KSR2: variants seen among roughly 807,000 people sequenced by gnomAD.
KSR2 encodes kinase suppressor of ras 2.
In KSR2, 25 loss-of-function variants were observed where a neutral mutation model predicts 107.8. The ratio of observed to expected loss-of-function variants is 0.23; its 90% CI spans 0.17 to 0.32. KSR2 has a LOEUF of 0.32. Among genes scored for constraint, KSR2 ranks in the 10% least tolerant of loss-of-function variants. KSR2 has a pLI of 1.00. For synonymous variants in KSR2, 480 were observed against 507.0 expected (o/e 0.95, Z 0.71); for missense variants, 887 against 1,268.9 (o/e 0.70, Z 4.57).
intron 5 of KSR2, among the ~76,000 whole-genome samples, chr12:117,639,712 T>A (rs1883275097): frequency 6.6e-6 from 1 of 151,368 alleles, no homozygotes. Context: ...CTCAAAACAA[T>A]ACTTGAGGTG....
At chr12:117,686,372 T>C (rs1885575813) in intron 4 of KSR2, among the ~76,000 whole-genome samples, 1 of 151,976 alleles carries the variant, frequency 6.6e-6, no homozygotes. Context: ...GGCCTCATTT[T>C]ATTCTTTATG....
chr12:117,905,822 G>T (rs1894823616), intron 1 of KSR2, among the ~76,000 whole-genome samples: 2 of 149,440 alleles, frequency 1.3e-5, no homozygotes, highest in African/African-American at 5.0e-5. Context: ...TTTCTGAAAA[G>T]ACTTGAACTA....
intron 4 of KSR2, among the ~76,000 whole-genome samples, chr12:117,668,581 C>T (rs1884767567): frequency 6.6e-6 from 1 of 152,146 alleles, no homozygotes; most frequent in Non-Finnish European, 1.5e-5. Flanking sequence ...GCCAGACTCC[C>T]CAGATTCAAA....
intron 5 of KSR2, among the ~76,000 whole-genome samples, chr12:117,628,511 C>CTT (rs34738709): frequency 6.6e-6 from 1 of 152,182 alleles, no homozygotes; most frequent in Admixed American, 6.5e-5. Flanking sequence ...CCCTGTTTGC[C>CTT]TGGGTATCAC....
intron 5 of KSR2, among the ~76,000 whole-genome samples, chr12:117,648,325 C>T (rs1008409087): frequency 4.6e-5 from 7 of 152,062 alleles, no homozygotes; most frequent in African/African-American, 1.7e-4. Flanking sequence ...AGGTGATCTC[C>T]TGTTTGCCAC....
At chr12:117,519,278 A>G (rs1397150170) in intron 14 of KSR2, among the ~76,000 whole-genome samples, 4 of 152,146 alleles carry the variant, frequency 2.6e-5, no homozygotes, top group African/African-American at 7.2e-5. Flanking sequence ...GTGTGCCCGA[A>G]GCTCTTGGCA....
intron 5 of KSR2, among the ~76,000 whole-genome samples, chr12:117,590,515 G>A (rs1405099214): frequency 1.3e-5 from 2 of 152,110 alleles, no homozygotes; most frequent in Non-Finnish European, 2.9e-5. Context: ...TGATATAATT[G>A]GAACAGTGCT....
chr12:117,761,030 C>T lies in KSR2; in HGVS notation c.967G>A (p.Asp323Asn). 1.9e-6 allele frequency: 3 copies of T among 1,613,724 alleles called. No homozygotes were observed. Among genetic ancestry groups the T allele is most frequent in the Non-Finnish European group, 2.5e-6 (3 of 1,179,732 alleles). The part of the protein sequence containing the change: ...SHEFQLGHRV[D>N]EAHTPKAKKK... ...ACTCACTTGGGCGTGTGGGCCTCGTCCACGCGGTGCCCCAGCTGGAACTCG... is the reference window on the plus strand; with the variant it reads ...ACTCACTTGGGCGTGTGGGCCTCGTTCACGCGGTGCCCCAGCTGGAACTCG... The change falls in exon 4 of 20, where the codon GAC becomes AAC. Residue 323 changes from aspartate to asparagine, a missense_variant. Physicochemically the swap from Asp to Asn is conservative, Grantham distance 23 (BLOSUM62 1). Coordinates refer to ENST00000339824, the MANE Select transcript of KSR2 (RefSeq NM_173598.6).
intron 4 of KSR2, among the ~76,000 whole-genome samples, chr12:117,696,198 C>G (rs1203925556): frequency 6.6e-6 from 1 of 152,166 alleles, no homozygotes; most frequent in East Asian, 1.9e-4. Context: ...CCACCTGCCA[C>G]CTGCCACTCC....
In KSR2 at chr12:117,633,743, G is replaced by A. The variant is rs1271955605; in HGVS notation, c.1171+33731C>T. ...CATCGTGACCTCACCCTAACTCATC[G>A]CATCTGCAAAGACCCTATTTCTGTT... On this transcript the variant is annotated intron_variant, in intron 5 of 19. Transcript: ENST00000339824. 3.3e-5 allele frequency among the ~76,000 whole-genome samples: 5 copies of A among 152,100 alleles called. No homozygotes were observed. The South Asian group carries it at 6.2e-4, about 19-fold the overall frequency.
chr12:117,907,341 C>T lies in KSR2; in HGVS notation c.181-46910G>A, dbSNP rs373594302. On this transcript the variant is annotated intron_variant, in intron 1 of 19. Transcript: ENST00000339824. This position sits in a 1 kb window ranked among gnomAD's most constrained non-coding sequence, Gnocchi z 4.3. ...TGAAACAGGTGCACTCTCTTTGAGC[C>T]AGGATTTATAAAGCTCAAGGAAATG... is the stretch of plus-strand genomic sequence containing the variant. 5.9e-5 allele frequency among the ~76,000 whole-genome samples: 9 copies of T among 152,222 alleles called. No individual in the cohort carries two copies. Among genetic ancestry groups the T allele is most frequent in the East Asian group, 5.8e-4 (3 of 5,170 alleles).
chr12:117,478,476 C>T (rs1871941540), intron 16 of KSR2, among the ~76,000 whole-genome samples: 1 of 151,896 alleles, frequency 6.6e-6, no homozygotes, highest in African/African-American at 2.4e-5. Flanking sequence ...TGTCTATCAC[C>T]CAGGCTGAAG....
chr12:117,465,914 A>G lies in KSR2; in HGVS notation c.*1285T>C, dbSNP rs1229447342. On this transcript the variant is annotated 3_prime_UTR_variant, in exon 20 of 20. Transcript: ENST00000339824. ...AGCCTGCTCTCGGCATCCTTCCTACAGATACAGAACACCAGGGGCTTCCCC... is the reference window on the plus strand; with the variant it reads ...AGCCTGCTCTCGGCATCCTTCCTACGGATACAGAACACCAGGGGCTTCCCC... 6.6e-6 allele frequency: 1 copy of G among 152,180 alleles called. No homozygotes were observed. The highest frequency in any genetic ancestry group is 1.5e-5 in the Non-Finnish European group (1 of 68,070). The allele number at this position is 152,180 out of a possible 1,614,324, so 9.4% of individuals were successfully genotyped here. A position where few individuals can be genotyped will look rare whatever the true frequency, so the allele number is the denominator to read the frequency against.
At chr12:117,494,983 A>T (rs1318990647) in intron 14 of KSR2, among the ~76,000 whole-genome samples, 1 of 152,216 alleles carries the variant, frequency 6.6e-6, no homozygotes, top group Non-Finnish European at 1.5e-5. Flanking sequence ...GAATCCAAAG[A>T]GTGTCTCCCA....
At chr12:117,937,134 C>T (rs1035111360) in intron 1 of KSR2, among the ~76,000 whole-genome samples, 2 of 152,146 alleles carry the variant, frequency 1.3e-5, no homozygotes, top group South Asian at 2.1e-4. Context: ...TAAATAGTAG[C>T]GGGGGAAAGT....
chr12:117,549,979 C>T (rs1877177787), intron 9 of KSR2, among the ~76,000 whole-genome samples: 1 of 152,152 alleles, frequency 6.6e-6, no homozygotes, highest in Non-Finnish European at 1.5e-5. Context: ...AGGTTAAACC[C>T]ACATCTGTGT....
At chr12:117,737,497 T>C (rs1887989933) in intron 4 of KSR2, among the ~76,000 whole-genome samples, 1 of 152,112 alleles carries the variant, frequency 6.6e-6, no homozygotes, top group Non-Finnish European at 1.5e-5. Context: ...AATTGACTTT[T>C]TGAGGCCAGG....
At chr12:117,865,914 G>C (rs995111254) in intron 1 of KSR2, among the ~76,000 whole-genome samples, 4 of 152,002 alleles carry the variant, frequency 2.6e-5, no homozygotes, top group Non-Finnish European at 5.9e-5. Flanking sequence ...ATAGCATAGC[G>C]AGCACTTTCT....
intron 7 of KSR2, among the ~76,000 whole-genome samples, chr12:117,572,953 C>T (rs1565906558): frequency 6.6e-6 from 1 of 152,210 alleles, no homozygotes; most frequent in Non-Finnish European, 1.5e-5. Flanking sequence ...CAAAAGCAAA[C>T]TTCTGCCAGC....
Sources: gnomAD v4.1 joint callset for allele counts (sites outside exome capture counted in the v4.1 genomes callset) on GRCh38, gnomAD v4.1.1 for gene constraint, Gnocchi (gnomAD v3.1) non-coding constraint, MANE v1.5 for transcripts, NCBI Gene and HGNC (gene_info 2026-07-23, HGNC 2026-07-21) for gene names.